Variants in CACNA2D1 observed in about 807,000 individuals in gnomAD.
CACNA2D1 encodes the protein voltage-dependent calcium channel subunit alpha-2/delta-1.
In CACNA2D1, 53 loss-of-function variants were observed where a neutral mutation model predicts 171.5. That is an observed-to-expected ratio of 0.31 (90% CI 0.25 to 0.39). The LOEUF is 0.39. CACNA2D1 is among the 10% of genes least tolerant of loss of function. The probability of loss-of-function intolerance (pLI) is 1.00; values close to 1 mark genes in which losing one functional copy is unlikely to be tolerated. For missense variants in CACNA2D1, 903 were observed against 1,299.8 expected, an observed-to-expected ratio of 0.69 and a Z score of 4.69; for synonymous variants, 442 against 443.1, an observed-to-expected ratio of 1.00 and a Z score of 0.03.
Position 82,064,778 on chromosome 7 carries a change from T to C in CACNA2D1, c.729-424A>G, listed in dbSNP as rs181497688. On this transcript the variant is annotated intron_variant, in intron 8 of 38. Transcript: ENST00000356860. ...GTTGCTTAGGAACATCAAAAAGCAA[T>C]ATCAACAAAAAAGAAATATAACTGG... Among the ~76,000 whole-genome samples, 6 of 151,928 alleles carry C rather than the reference T, an allele frequency of 3.9e-5. No homozygotes were observed. In the East Asian group the frequency reaches 9.7e-4, roughly 25 times the overall value.
chr7:82,138,165 A>T (rs1791898445), intron 4 of CACNA2D1, among the ~76,000 whole-genome samples: 1 of 151,988 alleles, frequency 6.6e-6, no homozygotes, highest in African/African-American at 2.4e-5. Context: ...TATTTACCAC[A>T]GAAATCTGCC....
Position 82,282,179 on chromosome 7 carries a change from T to A in CACNA2D1, c.294+52956A>T, listed in dbSNP as rs149542438. ...TGGATGTGGTGACCCCCGCCTGTAG[T>A]CCCAGCTACTTCGGAGGCTGAGGTA... is the stretch of plus-strand genomic sequence containing the variant. On this transcript the variant is annotated intron_variant, in intron 3 of 38. Transcript: ENST00000356860. Among the ~76,000 whole-genome samples the A allele has an allele frequency of 5.1e-3, 773 of 152,202 alleles. 17 individuals are homozygous for A. In the East Asian group the frequency reaches 0.079, roughly 16 times the overall value.
At chr7:82,146,752 C>T (rs1189409114) in intron 4 of CACNA2D1, among the ~76,000 whole-genome samples, 3 of 150,482 alleles carry the variant, frequency 2.0e-5, no homozygotes, top group South Asian at 2.1e-4. Context: ...TCTGGGAGGC[C>T]GAGGCGGGTA....
At chr7:82,123,477 G>A (rs1008390896) in intron 5 of CACNA2D1, among the ~76,000 whole-genome samples, 19 of 152,174 alleles carry the variant, frequency 1.2e-4, no homozygotes, top group South Asian at 2.1e-4. Context: ...AATTAAATAC[G>A]GAGAGAATAA....
At chr7:82,185,589 G>T (rs1441793779) in intron 3 of CACNA2D1, among the ~76,000 whole-genome samples, 1 of 144,556 alleles carries the variant, frequency 6.9e-6, no homozygotes, top group African/African-American at 2.5e-5. Flanking sequence ...GACCAAAAGT[G>T]CAGTGTAAGG....
intron 6 of CACNA2D1, among the ~76,000 whole-genome samples, chr7:82,089,850 A>G (rs1391714549): frequency 1.3e-5 from 2 of 152,048 alleles, no homozygotes; most frequent in Non-Finnish European, 2.9e-5. Context: ...TTAAGTTTGA[A>G]TTAAGTTTGT....
intron 3 of CACNA2D1, among the ~76,000 whole-genome samples, chr7:82,265,184 T>C (rs1475095323): frequency 6.6e-6 from 1 of 152,164 alleles, no homozygotes; most frequent in Non-Finnish European, 1.5e-5. Context: ...GGCTGAATGA[T>C]CTCTTCCCAC....
intron 4 of CACNA2D1, among the ~76,000 whole-genome samples, chr7:82,168,421 G>T (rs1795689091): frequency 6.6e-6 from 1 of 152,130 alleles, no homozygotes; most frequent in Non-Finnish European, 1.5e-5. Context: ...TGGGATTACA[G>T]GTGTAAGCCA....
rs201290536 is a variant in CACNA2D1 at position 82,086,129 on chromosome 7, G to A, written c.527-1229C>T. Among the ~76,000 whole-genome samples the A allele has an allele frequency of 9.2e-5, 14 of 152,168 alleles. 1 individual carries two copies. Among genetic ancestry groups the A allele is most frequent in the Middle Eastern group, 6.8e-3 (2 of 294 alleles). On this transcript the variant is annotated intron_variant, in intron 6 of 38. Transcript: ENST00000356860. ...ATAAAGACTGGAGATACAGCTTAAC[G>A]TCTTTCTATTTTTTTCTGTGATGAC...
At chr7:82,028,567 T>C (rs1404000388) in intron 12 of CACNA2D1, 1 of 151,820 alleles carries the variant, frequency 6.6e-6, no homozygotes, top group East Asian at 1.9e-4. Flanking sequence ...AAAACCCAAC[T>C]GAAAACCTTC....
intron 3 of CACNA2D1, among the ~76,000 whole-genome samples, chr7:82,229,834 G>A (rs994433393): frequency 6.6e-6 from 1 of 151,830 alleles, no homozygotes; most frequent in Non-Finnish European, 1.5e-5. Flanking sequence ...CCAGCCTCCT[G>A]CTTTACTTTG....
At chr7:82,418,971 G>A (rs148612363) in intron 1 of CACNA2D1, among the ~76,000 whole-genome samples, 7 of 152,060 alleles carry the variant, frequency 4.6e-5, no homozygotes, top group South Asian at 2.1e-4. Context: ...TTAGCTGGGC[G>A]CGGTGGCGGG....
Position 82,443,549 on chromosome 7 carries a change from C to T in CACNA2D1, c.-90G>A. On this transcript the variant is annotated 5_prime_UTR_variant, in exon 1 of 39. Coordinates refer to ENST00000356860, the MANE Select transcript of CACNA2D1 (RefSeq NM_000722.4). ...GCGGGCGGAGGAAGAGCAGCACACGCCGCCGGGACCGCGGGCGTCTGGAGG... is the reference window on the plus strand; with the variant it reads ...GCGGGCGGAGGAAGAGCAGCACACGTCGCCGGGACCGCGGGCGTCTGGAGG... 6.5e-7 allele frequency: 1 copy of T among 1,526,860 alleles called. No homozygotes were observed. Among genetic ancestry groups the T allele is most frequent in the South Asian group, 1.2e-5 (1 of 82,280 alleles). The allele number at this position is 1,526,860 out of a possible 1,614,324, so 94.6% of individuals were successfully genotyped here.
chr7:82,370,889 ATAAT>A (rs984941115), intron 1 of CACNA2D1, among the ~76,000 whole-genome samples: 8 of 152,208 alleles, frequency 5.3e-5, no homozygotes, highest in Non-Finnish European at 1.2e-4. Flanking sequence ...GGATTTTAAA[ATAAT>A]TAATGAAAAG....
At chr7:81,966,040 A>AGAT (rs1041034255) in intron 31 of CACNA2D1, among the ~76,000 whole-genome samples, 6 of 151,790 alleles carry the variant, frequency 4.0e-5, no homozygotes, top group Non-Finnish European at 7.4e-5. Flanking sequence ...TTTGACAAAA[A>AGAT]GATATTTTAA....
intron 3 of CACNA2D1, among the ~76,000 whole-genome samples, chr7:82,187,620 A>C (rs1041694335): frequency 2.6e-5 from 4 of 152,186 alleles, no homozygotes; most frequent in South Asian, 2.1e-4. Flanking sequence ...AATGAATTAG[A>C]ATTGATTTAA....
At chr7:82,005,721 G>T in intron 17 of CACNA2D1, 44 bp downstream of exon 17, 1 of 1,294,508 alleles carries the variant, frequency 7.7e-7, no homozygotes, top group Non-Finnish European at 1.1e-6. Context: ...TTAGTACAGA[G>T]TTCTAAACTA....
chr7:82,090,448 C>T (rs1045706763), intron 6 of CACNA2D1, among the ~76,000 whole-genome samples: 3 of 151,948 alleles, frequency 2.0e-5, no homozygotes, highest in African/African-American at 7.2e-5. Flanking sequence ...AATAAGAGAA[C>T]AAGCAAAAAT....
intron 3 of CACNA2D1, among the ~76,000 whole-genome samples, chr7:82,189,258 C>T (rs1798064459): frequency 6.6e-6 from 1 of 151,946 alleles, no homozygotes; most frequent in Non-Finnish European, 1.5e-5. Flanking sequence ...TTCCATTCTT[C>T]TTCAAAGCAT....
Sources: gnomAD v4.1 joint callset for allele counts (sites outside exome capture counted in the v4.1 genomes callset) on GRCh38, gnomAD v4.1.1 for gene constraint, MANE v1.5 for transcripts, NCBI Gene and HGNC (gene_info 2026-07-23, HGNC 2026-07-21) for gene names.